Variants in TYW1 observed in about 807,000 individuals in gnomAD.
TYW1 encodes tRNA-yW synthesizing protein 1 homolog.
A neutral mutation model predicts 96.2 loss-of-function variants in TYW1; 46 were observed. That is an observed-to-expected ratio of 0.48 (90% CI 0.38 to 0.61). The LOEUF (loss-of-function observed/expected upper bound fraction) is 0.61, where lower values mean the gene tolerates loss of function less well. Among genes scored for constraint, TYW1 ranks in the 20% least tolerant of loss-of-function variants. The pLI, the probability that TYW1 is intolerant of heterozygous loss-of-function variation, is 0.00. For missense variants in TYW1, 684 were observed against 909.6 expected (o/e 0.75, Z 3.19); for synonymous variants, 274 against 323.0 (o/e 0.85, Z 1.63).
At chr7:67,091,550 A>G (rs1455606641) in intron 11 of TYW1, among the ~76,000 whole-genome samples, 1 of 152,146 alleles carries the variant, frequency 6.6e-6, no homozygotes. Flanking sequence ...GTACCCTAGA[A>G]CTTAAAGTAT....
intron 15 of TYW1, among the ~76,000 whole-genome samples, chr7:67,228,343 G>A (rs35325827): frequency 0.27 from 40,735 of 152,002 alleles, 5,825 homozygotes; most frequent in African/African-American, 0.36. Flanking sequence ...ACCCCCCTTC[G>A]TAAAACCATC....
At chr7:67,138,573 C>G (rs911343178) in intron 13 of TYW1, among the ~76,000 whole-genome samples, 3 of 152,042 alleles carry the variant, frequency 2.0e-5, no homozygotes, top group African/African-American at 7.2e-5. Flanking sequence ...AGGTCTTATT[C>G]ATTTTTTCTA....
chr7:67,164,027 G>A (rs1158337830), intron 13 of TYW1, among the ~76,000 whole-genome samples: 1 of 152,084 alleles, frequency 6.6e-6, no homozygotes, highest in East Asian at 1.9e-4. Context: ...CATATCAAGA[G>A]ACTGTTAAAC....
At chr7:67,042,404 A>G (rs1194971002) in intron 7 of TYW1, among the ~76,000 whole-genome samples, 1 of 152,136 alleles carries the variant, frequency 6.6e-6, no homozygotes, top group East Asian at 1.9e-4. Context: ...CTAGAGCACT[A>G]AAGTTTGAAA....
At chr7:67,189,402 C>T (rs570167412) in intron 14 of TYW1, among the ~76,000 whole-genome samples, 6 of 150,874 alleles carry the variant, frequency 4.0e-5, no homozygotes, top group African/African-American at 4.9e-5. Context: ...GTGTTGTGTG[C>T]GTGTGTTGTG....
At chr7:67,115,069 T>C (rs1158086934) in intron 12 of TYW1, among the ~76,000 whole-genome samples, 2 of 152,082 alleles carry the variant, frequency 1.3e-5, no homozygotes, top group Non-Finnish European at 2.9e-5. Context: ...TTGTAAATGA[T>C]AGAGGTTTGT....
At chr7:67,015,476 C>A (rs1403532469) in intron 5 of TYW1, among the ~76,000 whole-genome samples, 1 of 152,158 alleles carries the variant, frequency 6.6e-6, no homozygotes, top group East Asian at 1.9e-4. Flanking sequence ...GTCAGCCTCC[C>A]TAGTAGCTGG....
chr7:67,134,413 G>C (rs1798180765), intron 13 of TYW1, among the ~76,000 whole-genome samples: 1 of 137,380 alleles, frequency 7.3e-6, no homozygotes, highest in African/African-American at 3.0e-5. Context: ...CATGGTGGCA[G>C]GCGCCTGTAA....
At chr7:67,018,226 T>C (rs911876246) in intron 6 of TYW1, 83 bp downstream of exon 6, 4 of 1,516,948 alleles carry the variant, frequency 2.6e-6, no homozygotes, top group Non-Finnish European at 3.6e-6. Flanking sequence ...CAATAAACCA[T>C]CTCGTTGGCT....
intron 9 of TYW1, among the ~76,000 whole-genome samples, chr7:67,062,667 C>T (rs35448884): frequency 0.04 from 6,066 of 151,938 alleles, 181 homozygotes; most frequent in Middle Eastern, 0.099. Context: ...TAAGGGAGTG[C>T]TGCAAACAAT....
At chr7:67,124,046 T>C (rs1198653781) in intron 13 of TYW1, among the ~76,000 whole-genome samples, 1 of 152,208 alleles carries the variant, frequency 6.6e-6, no homozygotes, top group Non-Finnish European at 1.5e-5. Context: ...TTTCATCAGC[T>C]TAAAGAATTG....
intron 15 of TYW1, among the ~76,000 whole-genome samples, chr7:67,221,538 C>T (rs911048115): frequency 1.3e-5 from 2 of 152,186 alleles, no homozygotes; most frequent in African/African-American, 4.8e-5. Flanking sequence ...TGTTATTTCT[C>T]ATATGCCTTA....
At chr7:67,019,497 C>T (rs955762062) in intron 6 of TYW1, among the ~76,000 whole-genome samples, 22 of 150,616 alleles carry the variant, frequency 1.5e-4, no homozygotes, top group African/African-American at 5.1e-4. Context: ...CATGCCCAGA[C>T]CGTTTTGTAA....
At chr7:67,027,372 G>A (rs1794484499) in intron 7 of TYW1, among the ~76,000 whole-genome samples, 1 of 149,620 alleles carries the variant, frequency 6.7e-6, no homozygotes, top group East Asian at 2.1e-4. Flanking sequence ...AAATCTAGAA[G>A]CAATAAAAAA....
intron 13 of TYW1, among the ~76,000 whole-genome samples, chr7:67,178,210 GT>G (rs1342153384): frequency 6.6e-6 from 1 of 151,772 alleles, no homozygotes; most frequent in Non-Finnish European, 1.5e-5. Context: ...AGAGAGATGA[GT>G]ACAGTAGCAC....
At position 67,186,148 on chromosome 7, in the gene TYW1, GT is replaced by G. The variant is rs563825180; in HGVS notation, c.1809+2916del. ...CTTGCCAACATCAGAGATTAGTGGT[GT>G]TTTAATTTATGATTTAGCTATTAAA... On this transcript the variant is annotated intron_variant, in intron 14 of 15. Transcript: ENST00000359626. Among the ~76,000 whole-genome samples the G allele has an allele frequency of 2.3e-3, 339 of 145,188 alleles. 1 individual carries two copies. The highest frequency in any genetic ancestry group is 4.3e-3 in the Non-Finnish European group (285 of 66,504).
chr7:67,152,104 C>A (rs1798822212), intron 13 of TYW1, among the ~76,000 whole-genome samples: 1 of 152,142 alleles, frequency 6.6e-6, no homozygotes, highest in Non-Finnish European at 1.5e-5. Context: ...AGCTGCCACG[C>A]CTGGTCACCA....
At chr7:67,093,200 C>T (rs1796780314) in intron 11 of TYW1, among the ~76,000 whole-genome samples, 1 of 152,124 alleles carries the variant, frequency 6.6e-6, no homozygotes, top group Admixed American at 6.6e-5. Context: ...ATTTATTTTT[C>T]AGTTCACAAA....
intron 15 of TYW1, among the ~76,000 whole-genome samples, chr7:67,219,046 T>C (rs996324608): frequency 7.2e-5 from 11 of 152,230 alleles, no homozygotes; most frequent in Admixed American, 2.6e-4. Flanking sequence ...TTTTTTCATA[T>C]GTGGCTTTTA....
Sources: gnomAD v4.1 joint callset for allele counts (sites outside exome capture counted in the v4.1 genomes callset) on GRCh38, gnomAD v4.1.1 for gene constraint, MANE v1.5 for transcripts, NCBI Gene and HGNC (gene_info 2026-07-23, HGNC 2026-07-21) for gene names.